PSKH2: variants seen among roughly 807,000 people sequenced by gnomAD.
PSKH2 encodes the protein serine/threonine-protein kinase H2.
In PSKH2, 16 loss-of-function variants were observed where a neutral mutation model predicts 22.5. The observed-to-expected ratio is 0.71, with a 90% CI of 0.48 to 1.08. The LOEUF (loss-of-function observed/expected upper bound fraction) is 1.08. PSKH2 is among the 50% of genes least tolerant of loss of function. The pLI is 0.00. For missense variants in PSKH2, 516 were observed against 492.8 expected, an observed-to-expected ratio of 1.05 and a Z score of -0.44; for synonymous variants, 188 against 184.8, an observed-to-expected ratio of 1.02 and a Z score of -0.14.
Position 86,057,952 on chromosome 8 carries a change from C to T in PSKH2, c.852+6013G>A, listed in dbSNP as rs192105045. ...ATATATAATCATACTTGTCTCTCAG[C>T]CAAGACCACGAGGCTCCTAAGAGCA... On this transcript the variant is annotated intron_variant, in intron 2 of 2. Coordinates refer to ENST00000276616, the MANE Select transcript of PSKH2 (RefSeq NM_033126.3). Among the ~76,000 whole-genome samples the T allele has an allele frequency of 1.4e-3, 215 of 152,272 alleles. No homozygotes were observed. In the Middle Eastern group the frequency reaches 0.021, roughly 15 times the overall value.
intron 2 of PSKH2, among the ~76,000 whole-genome samples, chr8:86,061,906 C>T (rs917745702): frequency 1.3e-5 from 2 of 152,130 alleles, no homozygotes; most frequent in Non-Finnish European, 2.9e-5. Flanking sequence ...TGTTTTAAGC[C>T]ACTAGGTTTG....
intron 2 of PSKH2, among the ~76,000 whole-genome samples, chr8:86,049,732 A>T (rs1461650838): frequency 3.9e-5 from 2 of 51,144 alleles, no homozygotes; most frequent in African/African-American, 1.4e-4. Context: ...GAAAGAAAGA[A>T]AGAAAGAAAG....
chr8:86,063,115 A>G (rs1817802221), intron 2 of PSKH2, among the ~76,000 whole-genome samples: 1 of 152,254 alleles, frequency 6.6e-6, no homozygotes, highest in African/African-American at 2.4e-5. Context: ...GTTTGTAAAA[A>G]CATATACATG....
At chr8:86,063,358 T>C (rs1296513766) in intron 2 of PSKH2, among the ~76,000 whole-genome samples, 1 of 152,184 alleles carries the variant, frequency 6.6e-6, no homozygotes, top group Non-Finnish European at 1.5e-5. Flanking sequence ...ACACAAGCAT[T>C]GGCAACTTTC....
At chr8:86,053,272 T>C (rs1817658354) in intron 2 of PSKH2, among the ~76,000 whole-genome samples, 1 of 152,090 alleles carries the variant, frequency 6.6e-6, no homozygotes, top group Admixed American at 6.5e-5. Context: ...CTCTAACCCA[T>C]CTCCCCAGCT....
rs528640638 is a variant in PSKH2, at chr8:86,063,111, A to T, written c.852+854T>A. ...CATTTATCAATTTGAATGAGTTTGT[A>T]AAAACATATACATGTACCATAAGGC... On this transcript the variant is annotated intron_variant, in intron 2 of 2. Transcript: ENST00000276616. Among the ~76,000 whole-genome samples, 3 of 152,364 alleles carry T rather than the reference A, an allele frequency of 2.0e-5. No homozygotes were observed. The South Asian group carries it at 6.2e-4, about 32-fold the overall frequency.
At chr8:86,049,488 A>T (rs1486166636) in intron 2 of PSKH2, among the ~76,000 whole-genome samples, 1 of 151,536 alleles carries the variant, frequency 6.6e-6, no homozygotes, top group Non-Finnish European at 1.5e-5. Flanking sequence ...CAGCCCAGGC[A>T]TTCAAGGCTG....
In PSKH2 at chr8:86,048,349, G is replaced by T; in HGVS notation, c.*113C>A. 2 of 784,424 alleles carry T rather than the reference G, an allele frequency of 2.5e-6. No homozygotes were observed. The highest frequency in any genetic ancestry group is 4.0e-6 in the Non-Finnish European group (2 of 494,346). The allele number at this position is 784,424 out of a possible 1,614,324, so 48.6% of individuals were successfully genotyped here. A position where few individuals can be genotyped will look rare whatever the true frequency, so the allele number is the denominator to read the frequency against. The stretch of plus-strand genomic sequence containing the variant: ...AGAACAAGAAAATGTTAAAAGTCAA[G>T]ATCAATAGTATCCAACAATACCATG... On this transcript the variant is annotated 3_prime_UTR_variant, in exon 3 of 3. Coordinates refer to ENST00000276616, the MANE Select transcript of PSKH2 (RefSeq NM_033126.3).
At chr8:86,066,745 G>C (rs1210654308) in intron 1 of PSKH2, among the ~76,000 whole-genome samples, 3 of 151,876 alleles carry the variant, frequency 2.0e-5, no homozygotes, top group South Asian at 2.1e-4. Flanking sequence ...ATGACATTTG[G>C]CTGTACCAGA....
Position 86,048,245 on chromosome 8 carries a change from A to G in PSKH2, c.*217T>C. On this transcript the variant is annotated 3_prime_UTR_variant, in exon 3 of 3. Coordinates refer to ENST00000276616, the MANE Select transcript of PSKH2 (RefSeq NM_033126.3). Reference sequence around the variant, plus strand: ...ATTTATTGTTTCCAGTTATCTAAACATAGCTAGTATTTACTAAACTGTTAA... The same window carrying G: ...ATTTATTGTTTCCAGTTATCTAAACGTAGCTAGTATTTACTAAACTGTTAA... 1 of 452,698 alleles carries G rather than the reference A, an allele frequency of 2.2e-6. No homozygotes were observed. Among genetic ancestry groups the G allele is most frequent in the Non-Finnish European group, 3.9e-6 (1 of 254,276 alleles). The allele number at this position is 452,698 out of a possible 1,614,324, so 28.0% of individuals were successfully genotyped here. A position where few individuals can be genotyped will look rare whatever the true frequency, so the allele number is the denominator to read the frequency against.
intron 1 of PSKH2, among the ~76,000 whole-genome samples, chr8:86,065,612 G>A (rs1817844631): frequency 6.6e-6 from 1 of 152,094 alleles, no homozygotes; most frequent in Non-Finnish European, 1.5e-5. Context: ...AAAAGGCCAG[G>A]ATATCAGCTC....
intron 2 of PSKH2, among the ~76,000 whole-genome samples, chr8:86,050,525 A>C (rs1817615393): frequency 6.6e-6 from 1 of 152,192 alleles, no homozygotes; most frequent in Non-Finnish European, 1.5e-5. Context: ...CACGCCCCAC[A>C]GAAGTTAGGA....
intron 2 of PSKH2, among the ~76,000 whole-genome samples, chr8:86,062,430 C>T (rs73688578): frequency 0.043 from 6,548 of 152,218 alleles, 500 homozygotes; most frequent in African/African-American, 0.15. Context: ...TATGGTTTGG[C>T]TCTGTGTCCC....
At chr8:86,052,338 G>A (rs1306982652) in intron 2 of PSKH2, among the ~76,000 whole-genome samples, 1 of 152,094 alleles carries the variant, frequency 6.6e-6, no homozygotes. Flanking sequence ...ACAGTCTCAG[G>A]TAGACATGAC....
intron 2 of PSKH2, among the ~76,000 whole-genome samples, chr8:86,058,652 C>T (rs752531799): frequency 7.9e-5 from 12 of 151,990 alleles, no homozygotes; most frequent in Non-Finnish European, 1.6e-4. Flanking sequence ...TAAATTAGAA[C>T]AAATGAAATT....
At chr8:86,062,498 C>A (rs553931939) in intron 2 of PSKH2, among the ~76,000 whole-genome samples, 1 of 152,126 alleles carries the variant, frequency 6.6e-6, no homozygotes, top group Non-Finnish European at 1.5e-5. Flanking sequence ...AGGAGGGGAA[C>A]GAAGTGGAGG....
rs1817541107 is a variant in PSKH2 at position 86,047,268 on chromosome 8, T to C, written c.*1194A>G. On this transcript the variant is annotated 3_prime_UTR_variant, in exon 3 of 3. Transcript: ENST00000276616. Reference sequence around the variant, plus strand: ...TATCTAATGAATTTGTAAGTGTCTTTCTATATTAAAGGAATTAATCCAGGT... The same window carrying C: ...TATCTAATGAATTTGTAAGTGTCTTCCTATATTAAAGGAATTAATCCAGGT... 6.6e-6 allele frequency among the ~76,000 whole-genome samples: 1 copy of C among 152,182 alleles called. No homozygotes were observed. Among genetic ancestry groups the C allele is most frequent in the African/African-American group, 2.4e-5 (1 of 41,462 alleles).
chr8:86,056,249 C>T (rs1180786915), intron 2 of PSKH2, among the ~76,000 whole-genome samples: 1 of 152,018 alleles, frequency 6.6e-6, no homozygotes, highest in Non-Finnish European at 1.5e-5. Flanking sequence ...GCTATGATCA[C>T]GCCACTGCAC....
chr8:86,051,538 G>A (rs1817630280), intron 2 of PSKH2, among the ~76,000 whole-genome samples: 1 of 152,028 alleles, frequency 6.6e-6, no homozygotes, highest in Non-Finnish European at 1.5e-5. Context: ...TCAAACACAG[G>A]AAAAACAAAA....
Sources: gnomAD v4.1 joint callset for allele counts (sites outside exome capture counted in the v4.1 genomes callset) on GRCh38, gnomAD v4.1.1 for gene constraint, MANE v1.5 for transcripts, NCBI Gene and HGNC (gene_info 2026-07-23, HGNC 2026-07-21) for gene names.